The following PLCB4 variants were observed in gnomAD, a reference collection of about 807,000 sequenced individuals.
The protein encoded by PLCB4 is phospholipase C beta 4, also known as 1-phosphatidylinositol 4,5-bisphosphate phosphodiesterase beta-4.
PLCB4 carries 77 observed loss-of-function variants against 178.8 expected under a neutral mutation model. The ratio of observed to expected loss-of-function variants is 0.43; its 90% confidence interval spans 0.36 to 0.52. The LOEUF (loss-of-function observed/expected upper bound fraction) is 0.52. Among genes scored for constraint, PLCB4 ranks in the 20% least tolerant of loss-of-function variants. The probability of loss-of-function intolerance (pLI) is 0.00; values close to 1 mark genes in which losing one functional copy is unlikely to be tolerated. For synonymous variants in PLCB4, 496 were observed against 490.8 expected (o/e 1.01, Z -0.14); for missense variants, 1,024 against 1,453.4 (o/e 0.70, Z 4.80).
chr20:9,340,060 A>G (rs1601945696), intron 7 of PLCB4, among the ~76,000 whole-genome samples: 1 of 152,272 alleles, frequency 6.6e-6, no homozygotes, highest in Middle Eastern at 3.4e-3. Flanking sequence ...CTTCTCATTA[A>G]CCCTATAATT....
At chr20:9,474,121 G>A (rs551096612) in intron 38 of PLCB4, among the ~76,000 whole-genome samples, 4 of 151,980 alleles carry the variant, frequency 2.6e-5, no homozygotes, top group Admixed American at 2.6e-4. Context: ...GTTGGCTGAA[G>A]CAGGAAAATC....
intron 2 of PLCB4, among the ~76,000 whole-genome samples, chr20:9,163,928 T>C (rs995692277): frequency 6.6e-6 from 1 of 152,204 alleles, no homozygotes; most frequent in Admixed American, 6.5e-5. Flanking sequence ...TTAGAAATCA[T>C]AATGTAAACG....
Position 9,071,576 on chromosome 20 carries a change from T to G in PLCB4, c.-135+2370T>G, listed in dbSNP as rs529206565. 3.3e-5 allele frequency among the ~76,000 whole-genome samples: 5 copies of G among 152,234 alleles called. No individual in the cohort carries two copies. The East Asian group carries it at 7.7e-4, about 24-fold the overall frequency. Reference sequence around the variant, plus strand: ...TTAGTGTCTGAATTTTCATCCCCAGTTTTTCAGATGTAGCTGGAAAACTCA... The same window carrying G: ...TTAGTGTCTGAATTTTCATCCCCAGGTTTTCAGATGTAGCTGGAAAACTCA... On this transcript the variant is annotated intron_variant, in intron 1 of 39. Transcript: ENST00000378473.
intron 39 of PLCB4, 60 bp from the exon 40 acceptor site, chr20:9,478,861 T>C: frequency 1.6e-6 from 2 of 1,234,594 alleles, no homozygotes; most frequent in South Asian, 2.4e-5. Flanking sequence ...AGGCCAGGGT[T>C]GTTAAGTGCC....
intron 3 of PLCB4, among the ~76,000 whole-genome samples, chr20:9,261,119 A>G (rs1425524863): frequency 6.6e-6 from 1 of 152,154 alleles, no homozygotes; most frequent in African/African-American, 2.4e-5. Flanking sequence ...ATTTTCTAAC[A>G]CAGTGTAAGA....
At chr20:9,095,037 T>A (rs2090847458) in intron 1 of PLCB4, among the ~76,000 whole-genome samples, 1 of 152,172 alleles carries the variant, frequency 6.6e-6, no homozygotes, top group Non-Finnish European at 1.5e-5. Context: ...TGGCTTACAC[T>A]GGGGAGTCCA....
At chr20:9,169,303 T>A (rs920459638) in intron 2 of PLCB4, among the ~76,000 whole-genome samples, 1 of 151,890 alleles carries the variant, frequency 6.6e-6, no homozygotes, top group Non-Finnish European at 1.5e-5. Flanking sequence ...GTGTCTTGAG[T>A]TCTCAATGTA....
At chr20:9,119,301 C>G (rs1423223288) in intron 2 of PLCB4, among the ~76,000 whole-genome samples, 2 of 152,084 alleles carry the variant, frequency 1.3e-5, no homozygotes, top group African/African-American at 4.8e-5. Flanking sequence ...GTGGACTTTT[C>G]TTCGTTTTCA....
At chr20:9,112,287 G>A (rs1321550992) in intron 2 of PLCB4, among the ~76,000 whole-genome samples, 1 of 141,338 alleles carries the variant, frequency 7.1e-6, no homozygotes, top group African/African-American at 2.6e-5. Flanking sequence ...ATAGAGTCTT[G>A]CTCTGTTGCC....
chr20:9,398,225 G>T (rs2038755655), intron 19 of PLCB4, among the ~76,000 whole-genome samples: 1 of 152,174 alleles, frequency 6.6e-6, no homozygotes, highest in African/African-American at 2.4e-5. Flanking sequence ...CATCGAAGCA[G>T]TCTCAGGGCC....
chr20:9,091,395 T>G (rs538082956), intron 1 of PLCB4, among the ~76,000 whole-genome samples: 24 of 152,214 alleles, frequency 1.6e-4, no homozygotes, highest in African/African-American at 5.8e-4. Context: ...TTTTTGGCCA[T>G]AGACTGAAGG....
At chr20:9,117,418 C>A (rs2091817827) in intron 2 of PLCB4, among the ~76,000 whole-genome samples, 1 of 152,158 alleles carries the variant, frequency 6.6e-6, no homozygotes, top group Non-Finnish European at 1.5e-5. Context: ...ATCAGTTCAA[C>A]CACATTGATT....
chr20:9,373,105 G>C lies in PLCB4; in HGVS notation c.744+1G>C. 1 of 1,480,212 alleles carries C rather than the reference G, an allele frequency of 6.8e-7. No homozygotes were observed. Among genetic ancestry groups the C allele is most frequent in the Non-Finnish European group, 9.4e-7 (1 of 1,061,078 alleles). The allele number at this position is 1,480,212 out of a possible 1,614,324, so 91.7% of individuals were successfully genotyped here. A position where few individuals can be genotyped will look rare whatever the true frequency, so the allele number is the denominator to read the frequency against. On this transcript the variant is annotated splice_donor_variant, in intron 12 of 39. Coordinates refer to ENST00000378473, the MANE Select transcript of PLCB4 (RefSeq NM_001377142.1). LOFTEE classifies it high-confidence loss of function. ...CCAATTAGTGAGCTTTCTAAATGAA[G>C]TAAGCTTTTTCATACATTAACTCCA...
At chr20:9,365,918 C>T (rs1193477486) in intron 9 of PLCB4, among the ~76,000 whole-genome samples, 1 of 152,132 alleles carries the variant, frequency 6.6e-6, no homozygotes, top group Admixed American at 6.6e-5. Context: ...AAGTGTGATG[C>T]CTCTGAACAG....
chr20:9,395,471 T>A, intron 18 of PLCB4, 52 bp from the exon 19 acceptor site: 1 of 1,243,882 alleles, frequency 8.0e-7, no homozygotes. Flanking sequence ...GGCCTAGGGT[T>A]TGTATGTTAC....
intron 3 of PLCB4, among the ~76,000 whole-genome samples, chr20:9,235,360 G>A (rs1293534803): frequency 6.6e-6 from 1 of 152,194 alleles, no homozygotes; most frequent in Non-Finnish European, 1.5e-5. Flanking sequence ...AGTCAAGGGT[G>A]TTGACCTCAC....
Position 9,311,705 on chromosome 20 carries a change from C to T in PLCB4, c.84+3807C>T, listed in dbSNP as rs191926643. On this transcript the variant is annotated intron_variant, in intron 4 of 39. Transcript: ENST00000378473. Reference sequence around the variant, plus strand: ...TGGCTCCCCTTTCACCTCAAACTCTCCTACTCAGACTCTCCTGAGATCCTC... The same window carrying T: ...TGGCTCCCCTTTCACCTCAAACTCTTCTACTCAGACTCTCCTGAGATCCTC... Among the ~76,000 whole-genome samples the T allele has an allele frequency of 3.9e-5, 6 of 152,300 alleles. No individual in the cohort carries two copies. The East Asian group carries it at 9.7e-4, about 25-fold the overall frequency.
intron 19 of PLCB4, among the ~76,000 whole-genome samples, chr20:9,397,376 C>T (rs536633505): frequency 5.9e-5 from 9 of 152,304 alleles, no homozygotes; most frequent in African/African-American, 1.9e-4. Context: ...AGTCTTGAAC[C>T]TCTCAGCGTC....
At position 9,103,186 on chromosome 20, in the gene PLCB4, GA is replaced by G. The variant is rs1254487264; in HGVS notation, c.-79+6845del. 1.1e-4 allele frequency among the ~76,000 whole-genome samples: 17 copies of G among 152,110 alleles called. No homozygotes were observed. In the East Asian group the frequency reaches 2.9e-3, roughly 26 times the overall value. ...ACTCTGTGCTGACTACTCCAGTATGGAGTGCTTCTCAAACTTTTTGGTCTAA... is the reference window on the plus strand; with the variant it reads ...ACTCTGTGCTGACTACTCCAGTATGGGTGCTTCTCAAACTTTTTGGTCTAA... On this transcript the variant is annotated intron_variant, in intron 2 of 39. Transcript: ENST00000378473.
Sources: gnomAD v4.1 joint callset for allele counts (sites outside exome capture counted in the v4.1 genomes callset) on GRCh38, gnomAD v4.1.1 for gene constraint, MANE v1.5 for transcripts, NCBI Gene and HGNC (gene_info 2026-07-23, HGNC 2026-07-21) for gene names.